Variants in TIMM21 observed in about 807,000 individuals in gnomAD.
The protein encoded by TIMM21 is mitochondrial import inner membrane translocase subunit Tim21.
A neutral mutation model predicts 27.7 loss-of-function variants in TIMM21; 30 were observed. The observed-to-expected ratio is 1.08, with a 90% CI of 0.81 to 1.47. TIMM21 has a LOEUF of 1.47. Ranked by LOEUF, TIMM21 falls within the 40% of genes most tolerant of loss-of-function variation. The probability of loss-of-function intolerance (pLI) is 0.00; values close to 1 mark genes in which losing one functional copy is unlikely to be tolerated. For synonymous variants in TIMM21, 121 were observed against 114.4 expected (o/e 1.06, Z -0.37); for missense variants, 292 against 302.9 (o/e 0.96, Z 0.27).
chr18:74,156,148 A>G (rs561575372), intron 3 of TIMM21: 43 of 397,954 alleles, frequency 1.1e-4, no homozygotes, highest in African/African-American at 7.2e-4. Flanking sequence ...GACCTTCAGC[A>G]CTGAAAATAT....
At chr18:74,157,368 G>A (rs1333172351) in intron 3 of TIMM21, 1 of 152,196 alleles carries the variant, frequency 6.6e-6, no homozygotes, top group South Asian at 2.1e-4. Flanking sequence ...ACCATAAGGG[G>A]TTAGTAGAGA....
In TIMM21 at chr18:74,148,702, T is replaced by C; in HGVS notation, c.-107T>C. ...CGTTTTTGCCTAACACCCCATGTAA[T>C]GTAAACGTATAGGCTTGAGTACGTG... On this transcript the variant is annotated 5_prime_UTR_variant, in exon 1 of 6. It removes an upstream start codon present in the reference 5' UTR. Transcript: ENST00000169551. 8.6e-7 allele frequency: 1 copy of C among 1,167,266 alleles called. No homozygotes were observed. The highest frequency in any genetic ancestry group is 1.2e-6 in the Non-Finnish European group (1 of 823,952). 72.3% of individuals were successfully genotyped at this position (1,167,266 alleles called of 1,614,324 possible). A position where few individuals can be genotyped will look rare whatever the true frequency, so the allele number is the denominator to read the frequency against.
intron 3 of TIMM21, chr18:74,156,292 G>A (rs1429673767): frequency 5.0e-6 from 2 of 398,564 alleles, no homozygotes; most frequent in Non-Finnish European, 8.8e-6. Flanking sequence ...TGCAGCCCCT[G>A]AAGAGGAGAA....
At position 74,160,373 on chromosome 18, in the gene TIMM21, ATTACTT is replaced by A. The variant is rs1326852054; in HGVS notation, c.*1896_*1901del. The stretch of plus-strand genomic sequence containing the variant: ...CTTTTATAATTAGAAATAAAACTAA[ATTACTT>A]TTTCAAAAGGAAAAACTCTGTACCA... On this transcript the variant is annotated 3_prime_UTR_variant, in exon 6 of 6. Transcript: ENST00000169551. The A allele has an allele frequency of 1.3e-5, 2 of 152,190 alleles. No homozygotes were observed. The highest frequency in any genetic ancestry group is 1.9e-4 in the East Asian group (1 of 5,196). 9.4% of individuals were successfully genotyped at this position (152,190 alleles called of 1,614,324 possible).
At chr18:74,149,187 C>T in intron 1 of TIMM21, 78 bp downstream of exon 1, 1 of 1,473,446 alleles carries the variant, frequency 6.8e-7, no homozygotes, top group East Asian at 2.3e-5. Flanking sequence ...ACCAAGTTCA[C>T]TGCTAAAGGT....
Position 74,158,069 on chromosome 18 carries a change from G to A in TIMM21, c.518G>A (p.Gly173Asp). The stretch of plus-strand genomic sequence containing the variant: ...GGCTATGGGGAGGTGACAAGGCGGG[G>A]TCGCCGGCAGCATGTCAGGTACTGT... ...VKGYGEVTRR[G>D]RRQHVRFTEY... The change falls in exon 4 of 6, where the codon GGT becomes GAT. Residue 173 changes from glycine (G) to aspartate (D), a missense_variant. Physicochemically the swap from Gly to Asp is moderately conservative, Grantham distance 94. Transcript: ENST00000169551. 6.2e-7 allele frequency: 1 copy of A among 1,614,214 alleles called. No homozygotes were observed. The highest frequency in any genetic ancestry group is 8.5e-7 in the Non-Finnish European group (1 of 1,180,042).
At chr18:74,151,939 C>CA (rs1052449791) in intron 1 of TIMM21, among the ~76,000 whole-genome samples, 1 of 125,652 alleles carries the variant, frequency 8.0e-6, no homozygotes, top group African/African-American at 3.7e-5. Context: ...GTCTATGTTC[C>CA]CCCCCCCCCC....
intron 1 of TIMM21, among the ~76,000 whole-genome samples, chr18:74,149,815 G>A (rs1307180054): frequency 6.6e-6 from 1 of 152,212 alleles, no homozygotes; most frequent in Non-Finnish European, 1.5e-5. Context: ...AGGCATAGAA[G>A]TGGCAAACAG....
Position 74,158,035 on chromosome 18 carries a change from T to G in TIMM21, c.484T>G (p.Ser162Ala), listed in dbSNP as rs770430431. The part of the protein sequence containing the change: ...HPEVIGVFGE[S>A]VKGYGEVTRR... ...GCAGGTGATCGGTGTCTTTGGTGAG[T>G]CTGTTAAAGGCTATGGGGAGGTGAC... is the stretch of plus-strand genomic sequence containing the variant. The change falls in exon 4 of 6, where the codon TCT (serine) becomes GCT (alanine). Residue 162 changes from serine to alanine, a missense_variant. By Grantham distance (99) the Ser-to-Ala change is moderately conservative (BLOSUM62 1). Transcript: ENST00000169551. 4.3e-6 allele frequency: 7 copies of G among 1,613,980 alleles called. 1 individual carries two copies. In the South Asian group the frequency reaches 7.7e-5, roughly 18 times the overall value.
chr18:74,158,442 A>G lies in TIMM21; in HGVS notation c.709A>G (p.Thr237Ala), dbSNP rs758459307. Residue 237 changes from threonine to alanine, a missense_variant, in exon 6 of 6, where the codon ACT (threonine) becomes GCT (alanine). Thr to Ala is a moderately conservative substitution (Grantham distance 58). Coordinates refer to ENST00000169551, the MANE Select transcript of TIMM21 (RefSeq NM_014177.3). ...AGAAATTGAATCTTATCCTAGAAGA[A>G]CTATTATCATTGAAGATAATCGATC... ...FVEIESYPRR[T>A]IIIEDNRSQD... The G allele has an allele frequency of 6.2e-7, 1 of 1,601,158 alleles. No homozygotes were observed. The highest frequency in any genetic ancestry group is 8.5e-7 in the Non-Finnish European group (1 of 1,169,654).
At chr18:74,157,900 A>G in intron 3 of TIMM21, 114 bp from the exon 4 acceptor site, 1 of 1,172,964 alleles carries the variant, frequency 8.5e-7, no homozygotes, top group Admixed American at 2.5e-5. Context: ...TCATTTTTGA[A>G]AAGGTCCTAA....
chr18:74,157,919 A>G, intron 3 of TIMM21, 95 bp from the exon 4 acceptor site: 3 of 1,371,802 alleles, frequency 2.2e-6, no homozygotes, highest in Non-Finnish European at 3.0e-6. Context: ...AAGCTTACTG[A>G]TTTTTTTTTC....
chr18:74,149,566 T>G (rs575072532), intron 1 of TIMM21, among the ~76,000 whole-genome samples: 1 of 152,164 alleles, frequency 6.6e-6, no homozygotes, highest in South Asian at 2.1e-4. Flanking sequence ...TTTAATGTCT[T>G]CATTTCGCAT....
Position 74,158,628 on chromosome 18 carries a change from CTA to C in TIMM21, c.*149_*150del, listed in dbSNP as rs1396907375. On this transcript the variant is annotated 3_prime_UTR_variant, in exon 6 of 6. Transcript: ENST00000169551. ...ACAGTATTTGTTGCATTTAAACAAA[CTA>C]GACATTTTCTTACGGAAAAATTATG... 10 of 600,678 alleles carry C rather than the reference CTA, an allele frequency of 1.7e-5. No homozygotes were observed. The allele number at this position is 600,678 out of a possible 1,614,324, so 37.2% of individuals were successfully genotyped here. A position where few individuals can be genotyped will look rare whatever the true frequency, so the allele number is the denominator to read the frequency against.
chr18:74,157,981 AAC>A (rs1319792675), intron 3 of TIMM21, 31 bp from the exon 4 acceptor site: 2 of 1,603,488 alleles, frequency 1.2e-6, no homozygotes, highest in African/African-American at 2.7e-5. Context: ...TTAAAAAAAT[AAC>A]ACAAAATAAA....
intron 1 of TIMM21, among the ~76,000 whole-genome samples, chr18:74,150,700 C>A (rs1039926108): frequency 3.3e-5 from 5 of 152,168 alleles, no homozygotes; most frequent in Admixed American, 6.5e-5. Context: ...ACATGTGTAC[C>A]CCGGCTGCCA....
At chr18:74,154,577 A>C (rs982544268) in intron 1 of TIMM21, among the ~76,000 whole-genome samples, 4 of 152,158 alleles carry the variant, frequency 2.6e-5, no homozygotes, top group Non-Finnish European at 5.9e-5. Context: ...CACTGTCTTG[A>C]TTGAGTTTCT....
chr18:74,159,681 C>T lies in TIMM21; in HGVS notation c.*1201C>T, dbSNP rs758285303. 3 of 152,210 alleles carry T rather than the reference C, an allele frequency of 2.0e-5. No individual in the cohort carries two copies. The highest frequency in any genetic ancestry group is 7.2e-5 in the African/African-American group (3 of 41,444). 9.4% of individuals were successfully genotyped at this position (152,210 alleles called of 1,614,324 possible). A position where few individuals can be genotyped will look rare whatever the true frequency, so the allele number is the denominator to read the frequency against. On this transcript the variant is annotated 3_prime_UTR_variant, in exon 6 of 6. Transcript: ENST00000169551. ...AGGAGTATAGAAAATATAACAGACA[C>T]TCGTCTCCCTGACGTAACACACTTT... is the stretch of plus-strand genomic sequence containing the variant.
intron 3 of TIMM21, chr18:74,156,560 TAATAGTTACTGGGAATCCA>T: frequency 3.0e-6 from 1 of 336,218 alleles, no homozygotes; most frequent in Non-Finnish European, 5.3e-6. Flanking sequence ...TTCGTTCCCA[TAATAGTTACTGGGAATCCA>T]AATTTTATCT....
Sources: allele counts gnomAD v4.1 joint callset (sites outside exome capture counted in the v4.1 genomes callset), GRCh38; gene constraint gnomAD v4.1.1; transcripts MANE v1.5; gene names NCBI Gene and HGNC (gene_info 2026-07-23, HGNC 2026-07-21).